Variants in SND1 observed in about 807,000 individuals in gnomAD.
SND1 encodes the protein staphylococcal nuclease domain-containing protein 1.
A neutral mutation model predicts 121.7 loss-of-function variants in SND1; 38 were observed. That is an observed-to-expected ratio of 0.31 (90% confidence interval 0.24 to 0.41). SND1 has a LOEUF of 0.41. Ranked by LOEUF, SND1 falls within the 10% of genes least tolerant of loss-of-function variation. SND1 has a pLI of 1.00. For missense variants in SND1, 868 were observed against 1,184.6 expected (o/e 0.73, Z 3.92); for synonymous variants, 401 against 447.4 (o/e 0.90, Z 1.31).
Position 127,731,795 on chromosome 7 carries a change from C to T in SND1, c.1152+10395C>T, listed in dbSNP as rs922959086. On this transcript the variant is annotated intron_variant, in intron 10 of 23. Transcript: ENST00000354725. ...CCATAAAATCTAGCAGGTAGAGAAC[C>T]GTCACTGGGGCTCTGCTGGAGAGAT... is the stretch of plus-strand genomic sequence containing the variant. Among the ~76,000 whole-genome samples, 9 of 152,304 alleles carry T rather than the reference C, an allele frequency of 5.9e-5. No individual in the cohort carries two copies. The South Asian group carries it at 1.2e-3, about 21-fold the overall frequency.
At chr7:127,802,630 G>A (rs189990911) in intron 10 of SND1, among the ~76,000 whole-genome samples, 2 of 152,130 alleles carry the variant, frequency 1.3e-5, no homozygotes, top group African/African-American at 4.8e-5. Context: ...TTTAATGTTA[G>A]AAGATACTAC....
Position 128,040,716 on chromosome 7 carries a change from G to A in SND1, c.1780-33786G>A, listed in dbSNP as rs188540876. Among the ~76,000 whole-genome samples the A allele has an allele frequency of 7.9e-4, 120 of 152,282 alleles. 6 individuals are homozygous for A. The highest frequency in any genetic ancestry group is 7.8e-3 in the Admixed American group (120 of 15,300). On this transcript the variant is annotated intron_variant, in intron 16 of 23. Transcript: ENST00000354725. ...TTCAATTTGGCTTGAAACCTATTAT[G>A]TCCTTTTCTGGGTTTCTTCTTGTAT...
chr7:128,089,938 A>G (rs1793749969), intron 22 of SND1: 6 of 489,340 alleles, frequency 1.2e-5, no homozygotes, highest in South Asian at 4.3e-5. Flanking sequence ...TTCCCTCCCC[A>G]TGTACCCCCA....
intron 13 of SND1, among the ~76,000 whole-genome samples, chr7:127,893,689 A>G (rs958749906): frequency 1.3e-5 from 2 of 152,100 alleles, no homozygotes; most frequent in African/African-American, 4.8e-5. Flanking sequence ...AGAAAAGGGC[A>G]GGCTCTCTCT....
At chr7:127,892,085 A>G (rs1291463920) in intron 13 of SND1, among the ~76,000 whole-genome samples, 1 of 151,938 alleles carries the variant, frequency 6.6e-6, no homozygotes, top group Non-Finnish European at 1.5e-5. Context: ...TCTTCTGTTG[A>G]CTTTGCTTTC....
chr7:127,747,206 T>C (rs1796997825), intron 10 of SND1, among the ~76,000 whole-genome samples: 2 of 152,214 alleles, frequency 1.3e-5, no homozygotes, highest in South Asian at 4.1e-4. Flanking sequence ...CAAACATCTC[T>C]GTTCCTTTGA....
intron 12 of SND1, chr7:127,858,042 A>G: frequency 7.2e-7 from 1 of 1,383,898 alleles, no homozygotes; most frequent in Non-Finnish European, 1.0e-6. Context: ...CATCCACCAG[A>G]CCATCTCCTG....
chr7:127,772,216 C>T lies in SND1; in HGVS notation c.1153-35268C>T, dbSNP rs1043489422. Among the ~76,000 whole-genome samples, 17 of 152,098 alleles carry T rather than the reference C, an allele frequency of 1.1e-4. 1 individual carries two copies. The highest frequency in any genetic ancestry group is 2.2e-4 in the Non-Finnish European group (15 of 68,022). On this transcript the variant is annotated intron_variant, in intron 10 of 23. Coordinates refer to ENST00000354725, the MANE Select transcript of SND1 (RefSeq NM_014390.4). ...TGTCCTTGAATCTTACAGGCTTAGA[C>T]CTGGAGGAGACTCTGAGAGTATGTG...
At chr7:127,733,121 C>CATT (rs1199620074) in intron 10 of SND1, among the ~76,000 whole-genome samples, 1 of 152,036 alleles carries the variant, frequency 6.6e-6, no homozygotes, top group African/African-American at 2.4e-5. Flanking sequence ...GCTTGGTCTT[C>CATT]ATTATTACTG....
In SND1 at chr7:127,986,193, T is replaced by C. The variant is rs530470673; in HGVS notation, c.1670-4754T>C. Among the ~76,000 whole-genome samples the C allele has an allele frequency of 3.9e-5, 6 of 152,364 alleles. No individual in the cohort carries two copies. In the East Asian group the frequency reaches 7.7e-4, roughly 20 times the overall value. Reference sequence around the variant, plus strand: ...TCAATAGAATCTCTTACAGAGCCCATTGTCTTGTCATTAACAAGAATGTGT... The same window carrying C: ...TCAATAGAATCTCTTACAGAGCCCACTGTCTTGTCATTAACAAGAATGTGT... On this transcript the variant is annotated intron_variant, in intron 15 of 23. Coordinates refer to ENST00000354725, the MANE Select transcript of SND1 (RefSeq NM_014390.4).
At chr7:127,721,608 C>A (rs1056136349) in intron 10 of SND1, among the ~76,000 whole-genome samples, 1 of 152,160 alleles carries the variant, frequency 6.6e-6, no homozygotes, top group Admixed American at 6.5e-5. Context: ...CACTGCTCTG[C>A]CGAATTTCAC....
chr7:127,914,237 A>T (rs1182710868), intron 14 of SND1, among the ~76,000 whole-genome samples: 1 of 152,188 alleles, frequency 6.6e-6, no homozygotes, highest in Non-Finnish European at 1.5e-5. Context: ...TTTTCTTTAG[A>T]TCATATTCAT....
chr7:127,972,579 G>A (rs940069295), intron 15 of SND1, among the ~76,000 whole-genome samples: 2 of 151,864 alleles, frequency 1.3e-5, no homozygotes, highest in African/African-American at 4.8e-5. Context: ...TTCAGAAATG[G>A]AATCACAATC....
chr7:127,715,787 A>AAATC (rs558831841), intron 9 of SND1, among the ~76,000 whole-genome samples: 255 of 152,270 alleles, frequency 1.7e-3, no homozygotes, highest in Admixed American at 3.1e-3. Context: ...AATCATTGCC[A>AAATC]AATCCAATGT....
intron 15 of SND1, among the ~76,000 whole-genome samples, chr7:127,955,078 G>A (rs954215735): frequency 6.6e-6 from 1 of 152,194 alleles, no homozygotes; most frequent in Non-Finnish European, 1.5e-5. Context: ...TGGCATCTCT[G>A]TAAAGTCTCT....
chr7:127,833,383 A>G (rs888361322), intron 11 of SND1, among the ~76,000 whole-genome samples: 4 of 150,346 alleles, frequency 2.7e-5, no homozygotes, highest in African/African-American at 9.8e-5. Context: ...CTCATGTCTC[A>G]GCCTCCCGAG....
intron 16 of SND1, among the ~76,000 whole-genome samples, chr7:128,071,435 G>A (rs1793407601): frequency 6.6e-6 from 1 of 152,184 alleles, no homozygotes; most frequent in African/African-American, 2.4e-5. Flanking sequence ...ATATATCTCT[G>A]TGTCTATCTT....
chr7:127,704,950 G>C lies in SND1; in HGVS notation c.947+5G>C, dbSNP rs1038180540. The C allele has an allele frequency of 1.9e-6, 3 of 1,613,232 alleles. No individual in the cohort carries two copies. The highest frequency in any genetic ancestry group is 2.5e-6 in the Non-Finnish European group (3 of 1,179,252). Reference sequence around the variant, plus strand: ...AAAGCTGAGGGCGGCAGAGAGGTAAGGTCTGTCCAAGAGGCCTTCCAGCTG... The same window carrying C: ...AAAGCTGAGGGCGGCAGAGAGGTAACGTCTGTCCAAGAGGCCTTCCAGCTG... On this transcript the variant is annotated splice_donor_5th_base_variant and intron_variant, in intron 8 of 23. Coordinates refer to ENST00000354725, the MANE Select transcript of SND1 (RefSeq NM_014390.4).
chr7:127,924,880 T>C (rs1001581377), intron 14 of SND1, among the ~76,000 whole-genome samples: 1 of 152,236 alleles, frequency 6.6e-6, no homozygotes, highest in Non-Finnish European at 1.5e-5. Context: ...GGAAGAGATG[T>C]AGCCTGACAA....
Sources: gnomAD v4.1 joint callset for allele counts (sites outside exome capture counted in the v4.1 genomes callset) on GRCh38, gnomAD v4.1.1 for gene constraint, MANE v1.5 for transcripts, NCBI Gene and HGNC (gene_info 2026-07-23, HGNC 2026-07-21) for gene names.